Variants in SYN1 observed in about 807,000 individuals in gnomAD.
SYN1 encodes synapsin-1.
In SYN1, 8 loss-of-function variants were observed where a neutral mutation model predicts 44.6. The observed-to-expected ratio is 0.18, with a 90% CI of 0.11 to 0.32. SYN1 has a LOEUF of 0.32. Among genes scored for constraint, SYN1 ranks in the 10% least tolerant of loss-of-function variants. SYN1 has a pLI of 1.00. For missense variants in SYN1, 451 were observed against 639.4 expected (o/e 0.71, Z 3.18); for synonymous variants, 275 against 280.1 (o/e 0.98, Z 0.18).
rs1411087897 is a variant in SYN1, at chrX:47,574,597, G to A, written c.1394-7C>T. On this transcript the variant is annotated splice_polypyrimidine_tract_variant and splice_region_variant and intron_variant, in intron 11 of 12. Coordinates refer to ENST00000295987, the MANE Select transcript of SYN1 (RefSeq NM_006950.3). Reference sequence around the variant, plus strand: ...CCCGGCTGTGGAGGGCCGCCTGGGGGACAGAGGGAGAGAAAGAGCACACGT... The same window carrying A: ...CCCGGCTGTGGAGGGCCGCCTGGGGAACAGAGGGAGAGAAAGAGCACACGT... The A allele has an allele frequency of 2.7e-6, 3 of 1,102,956 alleles. No individual in the cohort carries two copies. The highest frequency in any genetic ancestry group is 2.5e-4 in the Middle Eastern group (1 of 3,984). 90.9% of individuals were successfully genotyped at this position (1,102,956 alleles called of 1,213,427 possible).
chrX:47,574,749 C>T lies in SYN1; in HGVS notation c.1332G>A (p.Leu444=). 2 of 1,189,187 alleles carry T rather than the reference C, an allele frequency of 1.7e-6. No homozygotes were observed. The highest frequency in any genetic ancestry group is 2.3e-6 in the Non-Finnish European group (2 of 884,716). ...CGGGCTGCTGGGAGGTCTGGCGGCC[C>T]AAGGGCAGGGCCCCTGGGGACGGAG... ...GQTPSPGALP[L]GRQTSQQPAG... is the part of the protein sequence containing the mutation. The change falls in exon 11 of 13, where the codon TTG becomes TTA. Residue 444 remains leucine, a synonymous_variant. Transcript: ENST00000295987.
intron 6 of SYN1, 63 bp from the exon 7 acceptor site, chrX:47,576,703 T>C (rs2057778850): frequency 1.7e-6 from 2 of 1,188,485 alleles, no homozygotes. Context: ...GGAGTGGGGG[T>C]GCCTGGGGGA....
intron 3 of SYN1, 77 bp from the exon 4 acceptor site, chrX:47,605,456 T>A: frequency 9.0e-7 from 1 of 1,114,331 alleles, no homozygotes. Context: ...ACCAAGTTTT[T>A]AAATCTCCAT....
Position 47,574,450 on chromosome X carries a change from TG to T in SYN1, c.1533del (p.Thr512ProfsTer155). 9.5e-7 allele frequency: 1 copy of T among 1,050,235 alleles called. No homozygotes were observed. The highest frequency in any genetic ancestry group is 4.3e-5 in the Admixed American group (1 of 23,138). The allele number at this position is 1,050,235 out of a possible 1,213,427, so 86.6% of individuals were successfully genotyped here. A position where few individuals can be genotyped will look rare whatever the true frequency, so the allele number is the denominator to read the frequency against. ...GSPLPQRLPS[P>X]TSAPQQPASQ... ...GACGCGGGCTGCTGGGGCGCTGAGG[TG>T]GGACTTGGAAGGCGCTGGGGCAGGG... On this transcript the variant is annotated frameshift_variant, in exon 12 of 13. Coordinates refer to ENST00000295987, the MANE Select transcript of SYN1 (RefSeq NM_006950.3). LOFTEE classifies it high-confidence loss of function.
intron 5 of SYN1, among the ~76,000 whole-genome samples, 170 bp from the exon 6 acceptor site, chrX:47,577,671 C>T (rs2057782272): frequency 9.0e-6 from 1 of 110,708 alleles, no homozygotes; most frequent in Non-Finnish European, 1.9e-5. Context: ...AGTGTCTCCA[C>T]CTCCGGGCCC....
At chrX:47,612,312 A>G (rs1253425823) in intron 1 of SYN1, among the ~76,000 whole-genome samples, 1 of 110,719 alleles carries the variant, frequency 9.0e-6, no homozygotes, top group Non-Finnish European at 1.9e-5. Context: ...TTGTGCATCC[A>G]GAAGTTCCCA....
At chrX:47,606,185 A>T (rs1035979024) in intron 3 of SYN1, among the ~76,000 whole-genome samples, 7 of 111,011 alleles carry the variant, frequency 6.3e-5, no homozygotes, top group Non-Finnish European at 1.3e-4. Context: ...GAGCCACCAC[A>T]TCCGGCCACT....
Position 47,572,858 on chromosome X carries a change from G to T in SYN1, c.*6C>A, listed in dbSNP as rs375458979. 5 of 1,209,449 alleles carry T rather than the reference G, an allele frequency of 4.1e-6. No individual in the cohort carries two copies. The African/African-American group carries it at 7.0e-5, about 17-fold the overall frequency. The stretch of plus-strand genomic sequence containing the variant: ...CCAGGGATTTTGGGGTTCTCAGAGT[G>T]GGGTATCAGTCGGAGAAGAGGCTGG... On this transcript the variant is annotated 3_prime_UTR_variant, in exon 13 of 13. Transcript: ENST00000295987.
intron 1 of SYN1, among the ~76,000 whole-genome samples, chrX:47,618,883 C>G (rs763293113): frequency 9.0e-6 from 1 of 111,366 alleles, no homozygotes; most frequent in Admixed American, 9.5e-5. Context: ...TTGAGGAGAA[C>G]AGGACAGTAT....
At chrX:47,594,129 G>A (rs942511786) in intron 5 of SYN1, among the ~76,000 whole-genome samples, 17 of 110,366 alleles carry the variant, frequency 1.5e-4, no homozygotes, top group African/African-American at 5.3e-4. Context: ...AGCTACTCAG[G>A]AGGCTGAGGT....
rs575816517 is a variant in SYN1 at position 47,591,678 on chromosome X, G to A, written c.774+13300C>T. 1.7e-4 allele frequency among the ~76,000 whole-genome samples: 18 copies of A among 106,117 alleles called. No homozygotes were observed. In the East Asian group the frequency reaches 3.0e-3, roughly 17 times the overall value. 92.1% of individuals were successfully genotyped at this position (106,117 alleles called of 115,157 possible). A position where few individuals can be genotyped will look rare whatever the true frequency, so the allele number is the denominator to read the frequency against. On this transcript the variant is annotated intron_variant, in intron 5 of 12. Coordinates refer to ENST00000295987, the MANE Select transcript of SYN1 (RefSeq NM_006950.3). Reference sequence around the variant, plus strand: ...GGAGGCTGCAGTGAGCCAAGATCGCGCCACTGCACTCCAGCCTGGGCAACA... The same window carrying A: ...GGAGGCTGCAGTGAGCCAAGATCGCACCACTGCACTCCAGCCTGGGCAACA...
rs1443758811 is a variant in SYN1, at chrX:47,607,025, A to T, written c.447T>A (p.Ser149=). 8.3e-7 allele frequency: 1 copy of T among 1,211,594 alleles called. No homozygotes were observed. Among genetic ancestry groups the T allele is most frequent in the South Asian group, 1.8e-5 (1 of 56,915 alleles). Residue 149 remains serine, a synonymous_variant, in exon 3 of 13, where the codon TCT becomes TCA. Transcript: ENST00000295987. ...IDIKVEQAEF[S]DLNLVAHANG... ...TGGCATGGGCCACAAGGTTGAGATC[A>T]GAGAATTCGGCCTGGGAAGGAGAAA...
At chrX:47,583,063 C>A (rs1454907052) in intron 5 of SYN1, among the ~76,000 whole-genome samples, 1 of 98,223 alleles carries the variant, frequency 1.0e-5, no homozygotes, top group Admixed American at 1.1e-4. Context: ...CTCCTCCAGC[C>A]CCCAATCCCA....
chrX:47,597,435 A>G (rs1476319964), intron 5 of SYN1, among the ~76,000 whole-genome samples: 1 of 110,887 alleles, frequency 9.0e-6, no homozygotes, highest in African/African-American at 3.3e-5. Context: ...CTGGCAGGGT[A>G]AAGAATCAGT....
intron 5 of SYN1, among the ~76,000 whole-genome samples, chrX:47,597,194 G>A (rs1326555314): frequency 2.7e-5 from 3 of 110,308 alleles, no homozygotes; most frequent in African/African-American, 9.9e-5. Flanking sequence ...AATTATCCAG[G>A]CATGGTGGCG....
rs372165835 is a variant in SYN1, at chrX:47,619,369, G to T, written c.360C>A (p.Asp120Glu). The change falls in exon 1 of 13, where the codon GAC (aspartate) becomes GAA (glutamate). Residue 120 changes from aspartate to glutamate, a missense_variant. Asp to Glu is a conservative substitution (Grantham distance 45). This residue lies in a region of SYN1 where 315 missense variants were observed against 451.4 expected (regional missense o/e 0.70). Coordinates refer to ENST00000295987, the MANE Select transcript of SYN1 (RefSeq NM_006950.3). ...TGGCTTACCAGTCGGTGTGCGGCTC[G>T]TCGATGACCAGCAGCACCCTGGAGG... ...GAASRVLLVIDEPHTDWAKYF... is the reference protein window; with the variant it reads ...GAASRVLLVIEEPHTDWAKYF... 1.0e-5 allele frequency: 12 copies of T among 1,196,930 alleles called. No individual in the cohort carries two copies. The African/African-American group carries it at 1.2e-4, about 12-fold the overall frequency.
At chrX:47,608,758 C>G (rs1349622293) in intron 1 of SYN1, among the ~76,000 whole-genome samples, 2 of 109,742 alleles carry the variant, frequency 1.8e-5, no homozygotes, top group Non-Finnish European at 3.8e-5. Context: ...AGATTTCTAG[C>G]CAACAGGCTG....
At chrX:47,607,727 G>GAAAAAAAA (rs5902397) in intron 1 of SYN1, among the ~76,000 whole-genome samples, 20 of 51,724 alleles carry the variant, frequency 3.9e-4, no homozygotes, top group East Asian at 7.8e-4. Flanking sequence ...AAAAAAAATT[G>GAAAAAAAA]AAAAAAAAAA....
intron 5 of SYN1, among the ~76,000 whole-genome samples, chrX:47,597,003 A>G (rs2057865516): frequency 1.8e-5 from 2 of 112,384 alleles, no homozygotes; most frequent in African/African-American, 6.5e-5. Context: ...TGATATCCTA[A>G]TAAGTAGAGA....
Sources: gnomAD v4.1 joint callset for allele counts (sites outside exome capture counted in the v4.1 genomes callset) on GRCh38, gnomAD v4.1.1 for gene constraint, gnomAD v4.1.1 regional missense constraint, MANE v1.5 for transcripts, NCBI Gene and HGNC (gene_info 2026-07-23, HGNC 2026-07-21) for gene names.